Variants in TOP3A observed in about 807,000 individuals in gnomAD.
The protein encoded by TOP3A is DNA topoisomerase III alpha.
A neutral mutation model predicts 111.3 loss-of-function variants in TOP3A; 64 were observed. The ratio of observed to expected loss-of-function variants is 0.57; its 90% CI spans 0.47 to 0.71. The LOEUF is 0.71. Ranked by LOEUF, TOP3A falls within the 30% of genes least tolerant of loss-of-function variation. The pLI, the probability that TOP3A is intolerant of heterozygous loss-of-function variation, is 0.00. For missense variants in TOP3A, 1,104 were observed against 1,285.0 expected (o/e 0.86, Z 2.15); for synonymous variants, 484 against 485.1 (o/e 1.00, Z 0.03).
At position 18,285,477 on chromosome 17, in the gene TOP3A, G is replaced by A. The variant is rs756968459; in HGVS notation, c.1641C>T (p.Ala547=). 6.2e-7 allele frequency: 1 copy of A among 1,614,076 alleles called. No homozygotes were observed. Among genetic ancestry groups the A allele is most frequent in the Admixed American group, 1.7e-5 (1 of 60,012 alleles). ...CTGGGGTGAGGCCCACGTACATCCG[G>A]GCTTTGATGGTCTCGATGTGCTCCG... is the stretch of plus-strand genomic sequence containing the variant. ...THAEHIETIK[A]RMYVGLTPDK... is the part of the protein sequence containing the mutation. The change falls in exon 14 of 19, where the codon GCC becomes GCT. Residue 547 remains alanine (A), a synonymous_variant. Transcript: ENST00000321105.
At chr17:18,275,840 A>G (rs1465924297) in intron 18 of TOP3A, among the ~76,000 whole-genome samples, 11 of 139,922 alleles carry the variant, frequency 7.9e-5, no homozygotes. Flanking sequence ...TATTTTTAGT[A>G]GAGACGGGGT....
At chr17:18,313,288 ACT>A (rs1382678413) in intron 1 of TOP3A, 1 of 156,148 alleles carries the variant, frequency 6.4e-6, no homozygotes. Flanking sequence ...TGCTGTTGGC[ACT>A]GCTGCGAACA....
chr17:18,295,225 C>T (rs1205412606), intron 9 of TOP3A, among the ~76,000 whole-genome samples: 1 of 152,094 alleles, frequency 6.6e-6, no homozygotes, highest in African/African-American at 2.4e-5. Context: ...TGATCTCGGC[C>T]CACTGCAACC....
intron 9 of TOP3A, among the ~76,000 whole-genome samples, chr17:18,297,781 A>G (rs1011448651): frequency 6.6e-6 from 1 of 150,598 alleles, no homozygotes; most frequent in African/African-American, 2.5e-5. Flanking sequence ...TACAACCTTC[A>G]CCTCCCAGCA....
intron 9 of TOP3A, among the ~76,000 whole-genome samples, chr17:18,295,363 G>T (rs1372065725): frequency 6.6e-6 from 1 of 151,580 alleles, no homozygotes; most frequent in Admixed American, 6.6e-5. Flanking sequence ...GGCCTGGCTG[G>T]TCTCGAACAC....
At chr17:18,309,859 G>T (rs1235452665) in intron 1 of TOP3A, among the ~76,000 whole-genome samples, 1 of 150,474 alleles carries the variant, frequency 6.6e-6, no homozygotes, top group Non-Finnish European at 1.5e-5. Flanking sequence ...ACAGGCACCT[G>T]CCACCACGCC....
At chr17:18,285,864 C>T (rs1018260588) in intron 13 of TOP3A, among the ~76,000 whole-genome samples, 7 of 152,282 alleles carry the variant, frequency 4.6e-5, no homozygotes, top group African/African-American at 1.7e-4. Flanking sequence ...GCCAAAGGGA[C>T]CTTTCAAAAT....
At position 18,314,629 on chromosome 17, in the gene TOP3A, G is replaced by A; in HGVS notation, c.150C>T (p.Ala50=). 3 of 1,611,732 alleles carry A rather than the reference G, an allele frequency of 1.9e-6. No individual in the cohort carries two copies. Among genetic ancestry groups the A allele is most frequent in the Non-Finnish European group, 2.5e-6 (3 of 1,178,842 alleles). Residue 50 remains alanine, a synonymous_variant, in exon 1 of 19, where the codon GCC becomes GCT. Transcript: ENST00000321105. Reference sequence around the variant, plus strand: ...TCATGCGACCGTTTGACAGCAGGTCGGCGATCCCCTTGGCCGCGTCGTTTT... The same window carrying A: ...TCATGCGACCGTTTGACAGCAGGTCAGCGATCCCCTTGGCCGCGTCGTTTT... ...AEKNDAAKGI[A]DLLSNGRMRR...
intron 13 of TOP3A, among the ~76,000 whole-genome samples, chr17:18,286,348 A>T (rs1466480655): frequency 1.4e-4 from 4 of 27,710 alleles, no homozygotes; most frequent in African/African-American, 5.4e-4. Context: ...CTAAAAATAC[A>T]AAAAAAAAAA....
rs569342300 is a variant in TOP3A at position 18,272,551 on chromosome 17, C to A, written c.*2251G>T. Among the ~76,000 whole-genome samples the A allele has an allele frequency of 6.6e-6, 1 of 152,306 alleles. No homozygotes were observed. The highest frequency in any genetic ancestry group is 1.9e-4 in the East Asian group (1 of 5,188). On this transcript the variant is annotated 3_prime_UTR_variant, in exon 19 of 19. Coordinates refer to ENST00000321105, the MANE Select transcript of TOP3A (RefSeq NM_004618.5). ...GTCCATCAACTGACAAATGGATAAT[C>A]GTGTGGTATATTCATACAGTGGGCT...
At chr17:18,298,397 C>T (rs1387379738) in intron 9 of TOP3A, among the ~76,000 whole-genome samples, 4 of 146,704 alleles carry the variant, frequency 2.7e-5, no homozygotes, top group Admixed American at 6.7e-5. Flanking sequence ...GTCAGCCCCC[C>T]ACCCGGCCAG....
intron 18 of TOP3A, 52 bp from the exon 19 acceptor site, chr17:18,275,032 G>T (rs1979252745): frequency 1.9e-6 from 3 of 1,583,478 alleles, no homozygotes; most frequent in African/African-American, 1.4e-5. Context: ...TGCAGAAGTG[G>T]CAAGTCCTGA....
chr17:18,272,065 C>CA lies in TOP3A; in HGVS notation c.*2736dup, dbSNP rs561322049. 3.8e-4 allele frequency among the ~76,000 whole-genome samples: 56 copies of CA among 147,022 alleles called. No homozygotes were observed. Among genetic ancestry groups the CA allele is most frequent in the Middle Eastern group, 6.9e-3 (2 of 290 alleles). ...TGGGCACAAGAGCGAAACTCCATCT[C>CA]AAAAAAAAATAAAAAATAAAAAATA... On this transcript the variant is annotated 3_prime_UTR_variant, in exon 19 of 19. Coordinates refer to ENST00000321105, the MANE Select transcript of TOP3A (RefSeq NM_004618.5).
At chr17:18,308,058 A>C (rs1277356007) in intron 3 of TOP3A, among the ~76,000 whole-genome samples, 1 of 151,152 alleles carries the variant, frequency 6.6e-6, no homozygotes, top group Non-Finnish European at 1.5e-5. Context: ...CTAAAAATAC[A>C]AAAACTAGCC....
chr17:18,293,438 A>G (rs939124205), intron 10 of TOP3A, among the ~76,000 whole-genome samples: 1 of 148,330 alleles, frequency 6.7e-6, no homozygotes, highest in African/African-American at 2.5e-5. Context: ...AGTGTGTGGC[A>G]CCATGCCTGG....
At chr17:18,277,644 G>A in intron 18 of TOP3A, 31 bp downstream of exon 18, 1 of 1,580,050 alleles carries the variant, frequency 6.3e-7, no homozygotes, top group Non-Finnish European at 8.6e-7. Context: ...AAAACTGAAG[G>A]CAGGGATTCC....
rs749580212 is a variant in TOP3A, at chr17:18,309,709, C to CTTTT, written c.181-772_181-769dup. ...TTGTACATGAAAGTCTATAGAAGTT[C>CTTTT]TTTTTTTTTTTTTTTTTTGAGATGG... On this transcript the variant is annotated intron_variant, in intron 1 of 18. Transcript: ENST00000321105. Among the ~76,000 whole-genome samples, 68 of 128,768 alleles carry CTTTT rather than the reference C, an allele frequency of 5.3e-4. 1 individual carries two copies. Among genetic ancestry groups the CTTTT allele is most frequent in the African/African-American group, 2.0e-3 (64 of 32,710 alleles). The allele number at this position is 128,768 out of a possible 152,430, so 84.5% of individuals were successfully genotyped here. A position where few individuals can be genotyped will look rare whatever the true frequency, so the allele number is the denominator to read the frequency against.
chr17:18,308,435 AC>A lies in TOP3A; in HGVS notation c.241-12del, dbSNP rs1227272061. 1 of 1,567,772 alleles carries A rather than the reference AC, an allele frequency of 6.4e-7. No individual in the cohort carries two copies. ...TACCATGGTAACATTCTGAATGATGACAAAATTCAAAATTCAGTTAGTCTTT... is the reference window on the plus strand; with the variant it reads ...TACCATGGTAACATTCTGAATGATGAAAAATTCAAAATTCAGTTAGTCTTT... On this transcript the variant is annotated splice_polypyrimidine_tract_variant and intron_variant, in intron 2 of 18. Transcript: ENST00000321105.
chr17:18,294,836 C>T (rs1010980360), intron 9 of TOP3A, 51 bp from the exon 10 acceptor site: 48 of 1,244,622 alleles, frequency 3.9e-5, no homozygotes, highest in Middle Eastern at 3.7e-4. Context: ...GGTCAGGCAG[C>T]ACAACTCAAA....
Sources: gnomAD v4.1 joint callset for allele counts (sites outside exome capture counted in the v4.1 genomes callset) on GRCh38, gnomAD v4.1.1 for gene constraint, MANE v1.5 for transcripts, NCBI Gene and HGNC (gene_info 2026-07-23, HGNC 2026-07-21) for gene names.